CSMD3: variants seen among roughly 807,000 people sequenced by gnomAD.
The protein encoded by CSMD3 is CUB and Sushi multiple domains 3.
In CSMD3, 177 loss-of-function variants were observed where a neutral mutation model predicts 435.2. The observed-to-expected ratio is 0.41, with a 90% CI of 0.36 to 0.46. CSMD3 has a LOEUF of 0.46. Ranked by LOEUF, CSMD3 falls within the 20% of genes least tolerant of loss-of-function variation. The probability of loss-of-function intolerance (pLI) is 0.34; values close to 1 mark genes in which losing one functional copy is unlikely to be tolerated. For missense variants in CSMD3, 4,265 were observed against 4,504.6 expected, an observed-to-expected ratio of 0.95 and a Z score of 1.52; for synonymous variants, 1,656 against 1,520.5, an observed-to-expected ratio of 1.09 and a Z score of -2.07.
intron 6 of CSMD3, among the ~76,000 whole-genome samples, chr8:113,016,626 A>C: frequency 6.6e-6 from 1 of 151,994 alleles, no homozygotes; most frequent in Non-Finnish European, 1.5e-5. Flanking sequence ...GTTACTGAGT[A>C]CTCGGTAAAT....
At chr8:113,243,781 G>A (rs1323757938) in intron 3 of CSMD3, among the ~76,000 whole-genome samples, 1 of 152,042 alleles carries the variant, frequency 6.6e-6, no homozygotes, top group East Asian at 1.9e-4. Flanking sequence ...TTACTATTGT[G>A]TATCTTCTTG....
At chr8:113,023,093 T>A (rs1171763807) in intron 5 of CSMD3, among the ~76,000 whole-genome samples, 1 of 152,132 alleles carries the variant, frequency 6.6e-6, no homozygotes, top group Non-Finnish European at 1.5e-5. Flanking sequence ...CTTATTCTTT[T>A]TTTTCTTTAA....
chr8:112,323,868 A>G (rs1823241617), intron 45 of CSMD3, among the ~76,000 whole-genome samples: 1 of 152,062 alleles, frequency 6.6e-6, no homozygotes, highest in Non-Finnish European at 1.5e-5. Context: ...AATCACTAAA[A>G]TGCCACATCA....
chr8:112,509,907 C>G (rs1201003489), intron 28 of CSMD3, among the ~76,000 whole-genome samples: 1 of 152,178 alleles, frequency 6.6e-6, no homozygotes. Flanking sequence ...CTGAATATCT[C>G]TCTCTGTAGT....
intron 30 of CSMD3, among the ~76,000 whole-genome samples, chr8:112,494,448 T>C (rs183310720): frequency 4.0e-5 from 6 of 150,862 alleles, no homozygotes; most frequent in Admixed American, 6.6e-5. Context: ...TGTTTTCTTT[T>C]GTTTCTTTCT....
At chr8:112,817,938 C>T (rs990591328) in intron 12 of CSMD3, among the ~76,000 whole-genome samples, 41 of 151,942 alleles carry the variant, frequency 2.7e-4, no homozygotes, top group Non-Finnish European at 3.4e-4. Flanking sequence ...AAAGATATGG[C>T]ACATTTCAAT....
At chr8:112,964,377 TG>T (rs1251489902) in intron 7 of CSMD3, among the ~76,000 whole-genome samples, 1 of 151,974 alleles carries the variant, frequency 6.6e-6, no homozygotes, top group Non-Finnish European at 1.5e-5. Flanking sequence ...CAATAATATT[TG>T]ACCCTAAATA....
chr8:112,264,874 G>A (rs1816787379), intron 60 of CSMD3, among the ~76,000 whole-genome samples: 2 of 152,070 alleles, frequency 1.3e-5, no homozygotes, highest in South Asian at 4.2e-4. Flanking sequence ...AATATTTCCA[G>A]TGGAAAAACA....
intron 13 of CSMD3, among the ~76,000 whole-genome samples, chr8:112,771,277 C>T (rs1191504209): frequency 1.3e-5 from 2 of 151,972 alleles, no homozygotes; most frequent in Admixed American, 6.6e-5. Context: ...TGGTGGTTTA[C>T]GCCTATAATC....
Position 113,436,890 on chromosome 8 carries a change from C to G in CSMD3, c.-36G>C, listed in dbSNP as rs1435234734. The G allele has an allele frequency of 2.5e-6, 4 of 1,611,762 alleles. No homozygotes were observed. Among genetic ancestry groups the G allele is most frequent in the Non-Finnish European group, 3.4e-6 (4 of 1,179,036 alleles). ...AGCTCCTAATTCCTGCTCCTCAGCC[C>G]GGCGCAGTGGAGTTGTTGCTGTTGT... is the stretch of plus-strand genomic sequence containing the variant. On this transcript the variant is annotated 5_prime_UTR_variant, in exon 1 of 71. Coordinates refer to ENST00000297405, the MANE Select transcript of CSMD3 (RefSeq NM_198123.2).
chr8:112,945,672 T>C (rs1476571905), intron 9 of CSMD3, among the ~76,000 whole-genome samples: 1 of 151,338 alleles, frequency 6.6e-6, no homozygotes, highest in Non-Finnish European at 1.5e-5. Flanking sequence ...AAAAACAATG[T>C]ATTTAAAACA....
At chr8:113,068,107 A>G (rs2088941765) in intron 5 of CSMD3, among the ~76,000 whole-genome samples, 1 of 152,174 alleles carries the variant, frequency 6.6e-6, no homozygotes, top group Non-Finnish European at 1.5e-5. Context: ...ATGCTGTATA[A>G]AAAGAGTTCT....
rs1401708867 is a variant in CSMD3, at chr8:113,314,796, G to A, written c.179-3C>T. On this transcript the variant is annotated splice_polypyrimidine_tract_variant and splice_region_variant and intron_variant, in intron 1 of 70. Transcript: ENST00000297405. ...TCCACCACATGTATAAATAAATCCT[G>A]CAACAAAAGACAATAAACAGACATT... 1 of 1,539,220 alleles carries A rather than the reference G, an allele frequency of 6.5e-7. No individual in the cohort carries two copies. The highest frequency in any genetic ancestry group is 1.1e-5 in the South Asian group (1 of 89,506).
chr8:113,173,757 G>C lies in CSMD3; in HGVS notation c.674C>G (p.Thr225Arg), dbSNP rs1274777546. Residue 225 changes from threonine (T) to arginine (R), a missense_variant, in exon 4 of 71, where the codon ACA becomes AGA. Coordinates refer to ENST00000297405, the MANE Select transcript of CSMD3 (RefSeq NM_198123.2). ...QLTCIANSVN[T>R]ASWDFPVPIC... Reference sequence around the variant, plus strand: ...AGGAACAGGAAAATCCCACGAAGCTGTATTAACTGAATTGGCTATGCAGGT... The same window carrying C: ...AGGAACAGGAAAATCCCACGAAGCTCTATTAACTGAATTGGCTATGCAGGT... 3 of 1,613,602 alleles carry C rather than the reference G, an allele frequency of 1.9e-6. No homozygotes were observed. In the East Asian group the frequency reaches 6.7e-5, roughly 36 times the overall value.
chr8:112,883,366 T>G (rs1220124814), intron 10 of CSMD3, among the ~76,000 whole-genome samples: 1 of 152,012 alleles, frequency 6.6e-6, no homozygotes, highest in East Asian at 1.9e-4. Flanking sequence ...AGTAGGTTAT[T>G]ATTTCAATGG....
intron 6 of CSMD3, among the ~76,000 whole-genome samples, chr8:113,015,468 T>C (rs1036393168): frequency 2.6e-5 from 4 of 151,912 alleles, no homozygotes; most frequent in African/African-American, 7.2e-5. Context: ...CAAATTGTGA[T>C]TAAAATGTAA....
At chr8:113,417,747 T>G (rs564756339) in intron 1 of CSMD3, among the ~76,000 whole-genome samples, 2 of 152,128 alleles carry the variant, frequency 1.3e-5, no homozygotes, top group South Asian at 4.1e-4. Context: ...CAAGATACAT[T>G]TCAAATTCTA....
At chr8:113,092,545 T>C (rs1427370913) in intron 5 of CSMD3, among the ~76,000 whole-genome samples, 1 of 152,020 alleles carries the variant, frequency 6.6e-6, no homozygotes, top group Non-Finnish European at 1.5e-5. Context: ...TTTTGGCCAA[T>C]GGGATATAAG....
chr8:112,278,058 T>C (rs1382998776), intron 59 of CSMD3, among the ~76,000 whole-genome samples: 1 of 152,198 alleles, frequency 6.6e-6, no homozygotes, highest in Non-Finnish European at 1.5e-5. Flanking sequence ...TAATCTTTCA[T>C]ACCTTCTTGG....
Sources: gnomAD v4.1 joint callset for allele counts (sites outside exome capture counted in the v4.1 genomes callset) on GRCh38, gnomAD v4.1.1 for gene constraint, MANE v1.5 for transcripts, NCBI Gene and HGNC (gene_info 2026-07-23, HGNC 2026-07-21) for gene names.